MAGI1: variants seen among roughly 807,000 people sequenced by gnomAD.
MAGI1 encodes membrane associated guanylate kinase, WW and PDZ domain containing 1.
MAGI1 carries 58 observed loss-of-function variants against 139.9 expected under a neutral mutation model. The observed-to-expected ratio is 0.41, with a 90% CI of 0.34 to 0.52. The LOEUF (loss-of-function observed/expected upper bound fraction) is 0.52, where lower values mean the gene tolerates loss of function less well. MAGI1 is among the 20% of genes least tolerant of loss of function. MAGI1 has a pLI of 0.12. For synonymous variants in MAGI1, 812 were observed against 737.9 expected, an observed-to-expected ratio of 1.10 and a Z score of -1.63; for missense variants, 1,874 against 1,901.6, an observed-to-expected ratio of 0.99 and a Z score of 0.27.
chr3:65,892,227 T>G (rs1395508539), intron 1 of MAGI1, among the ~76,000 whole-genome samples: 4 of 152,100 alleles, frequency 2.6e-5, no homozygotes, highest in Non-Finnish European at 4.4e-5. Context: ...ACTGTGAAGC[T>G]ATTTTTCTTT....
intron 1 of MAGI1, among the ~76,000 whole-genome samples, chr3:65,820,754 C>T (rs978994128): frequency 6.6e-6 from 1 of 152,128 alleles, no homozygotes; most frequent in African/African-American, 2.4e-5. Flanking sequence ...TTTGAGTAGT[C>T]TGCATCATCA....
At position 65,439,982 on chromosome 3, in the gene MAGI1, G is replaced by A. The variant is rs753972519; in HGVS notation, c.1167C>T (p.Asn389=). ...DHINRKTQYE[N]PVLEAKRKKQ... The stretch of plus-strand genomic sequence containing the variant: ...TCTTCCGTTTGGCTTCTAGAACCGG[G>A]TTCTCATATTGTGTCTTCCTGTTGA... The change falls in exon 9 of 23, where the codon AAC becomes AAT. Residue 389 remains asparagine (N), a synonymous_variant. Transcript: ENST00000402939. The A allele has an allele frequency of 8.7e-6, 14 of 1,613,942 alleles. No homozygotes were observed. In the South Asian group the frequency reaches 1.5e-4, roughly 18 times the overall value.
chr3:65,383,533 G>C lies in MAGI1; in HGVS notation c.2507C>G (p.Pro836Arg). 6.2e-7 allele frequency: 1 copy of C among 1,609,712 alleles called. No individual in the cohort carries two copies. Among genetic ancestry groups the C allele is most frequent in the South Asian group, 1.1e-5 (1 of 90,970 alleles). ...AAGAGAGACAAGCAAAAGACTCACA[G>C]GTTCCCCTGGTTCATTTCCACCCAG... ...RILGGNEPGEPIYIGHIVPLG... is the reference protein window; with the variant it reads ...RILGGNEPGERIYIGHIVPLG... Residue 836 changes from proline (P) to arginine (R), a missense_variant and splice_region_variant, in exon 15 of 23, where the codon CCT becomes CGT. Coordinates refer to ENST00000402939, the MANE Select transcript of MAGI1 (RefSeq NM_001033057.2).
At position 65,429,691 on chromosome 3, in the gene MAGI1, G is replaced by A. The variant is rs1947331877; in HGVS notation, c.1996C>T (p.Gln666Ter). 1 of 1,613,704 alleles carries A rather than the reference G, an allele frequency of 6.2e-7. No homozygotes were observed. Residue 666 changes from glutamine (Q) to a stop codon, truncating the protein, a stop_gained, in exon 12 of 23, where the codon CAA (glutamine) becomes TAA (stop). Transcript: ENST00000402939. LOFTEE classifies it high-confidence loss of function. Reference protein sequence around the residue: ...TIADSPGGGGQRVKQIVDSPR... With the variant: ...TIADSPGGGG ...CTGTCAACAATCTGTTTCACTCTTTGGCCACCCCCACCAGGACTGTCTGCG... is the reference window on the plus strand; with the variant it reads ...CTGTCAACAATCTGTTTCACTCTTTAGCCACCCCCACCAGGACTGTCTGCG...
intron 1 of MAGI1, among the ~76,000 whole-genome samples, chr3:65,753,381 A>G (rs2036310104): frequency 6.6e-6 from 1 of 152,186 alleles, no homozygotes; most frequent in African/African-American, 2.4e-5. Context: ...CTTCACCAAA[A>G]ACACCTATGA....
chr3:65,819,415 T>A (rs1238940774), intron 1 of MAGI1, among the ~76,000 whole-genome samples: 1 of 152,196 alleles, frequency 6.6e-6, no homozygotes, highest in Non-Finnish European at 1.5e-5. Flanking sequence ...ACTGTACCCC[T>A]TCCCTCCACC....
chr3:65,865,351 A>C (rs2059686839), intron 1 of MAGI1, among the ~76,000 whole-genome samples: 1 of 152,204 alleles, frequency 6.6e-6, no homozygotes, highest in Admixed American at 6.5e-5. Context: ...CTGTAATCCC[A>C]GCACTTAGGG....
At chr3:65,727,778 C>A (rs2033772478) in intron 1 of MAGI1, among the ~76,000 whole-genome samples, 1 of 152,152 alleles carries the variant, frequency 6.6e-6, no homozygotes, top group South Asian at 2.1e-4. Context: ...GAGAGACAGA[C>A]AAGATGGATC....
intron 1 of MAGI1, among the ~76,000 whole-genome samples, chr3:65,644,208 T>G (rs6771308): frequency 0.064 from 9,728 of 152,108 alleles, 1,036 homozygotes; most frequent in African/African-American, 0.22. Context: ...AGTTTCAGTC[T>G]CATAACATAA....
chr3:65,718,665 T>C (rs1334452988), intron 1 of MAGI1: 2 of 152,158 alleles, frequency 1.3e-5, no homozygotes, highest in African/African-American at 2.4e-5. Context: ...GATCAAATTA[T>C]TACAGGATTC....
intron 1 of MAGI1, among the ~76,000 whole-genome samples, chr3:65,991,197 G>A (rs977739153): frequency 6.8e-6 from 1 of 147,328 alleles, no homozygotes; most frequent in Non-Finnish European, 1.5e-5. Flanking sequence ...GCTGAGGCAG[G>A]AGAATTGTTT....
intron 1 of MAGI1, among the ~76,000 whole-genome samples, chr3:65,865,342 T>C (rs773648311): frequency 2.6e-5 from 4 of 152,200 alleles, no homozygotes; most frequent in Non-Finnish European, 5.9e-5. Context: ...GGCTCACACC[T>C]GTAATCCCAG....
At chr3:65,674,133 G>C (rs576504554) in intron 1 of MAGI1, among the ~76,000 whole-genome samples, 50 of 152,322 alleles carry the variant, frequency 3.3e-4, no homozygotes, top group African/African-American at 1.1e-3. Flanking sequence ...TAGTGTTCAA[G>C]AATGCAACAG....
chr3:66,000,048 T>C (rs951792780), intron 1 of MAGI1, among the ~76,000 whole-genome samples: 2 of 145,756 alleles, frequency 1.4e-5, no homozygotes, highest in South Asian at 4.6e-4. Context: ...ACTAGGCTCA[T>C]TGCAAGCTCC....
At chr3:65,763,481 A>G in intron 1 of MAGI1, among the ~76,000 whole-genome samples, 1 of 152,190 alleles carries the variant, frequency 6.6e-6, no homozygotes, top group East Asian at 1.9e-4. Flanking sequence ...CTATCCTACA[A>G]TAACAACATT....
chr3:65,617,936 G>T (rs891825347), intron 2 of MAGI1, among the ~76,000 whole-genome samples: 2 of 152,124 alleles, frequency 1.3e-5, no homozygotes, highest in African/African-American at 4.8e-5. Context: ...GGACAGGCAG[G>T]CATGCAGCAG....
intron 12 of MAGI1, among the ~76,000 whole-genome samples, chr3:65,412,426 T>C (rs148840548): frequency 1.6e-4 from 25 of 152,350 alleles, no homozygotes; most frequent in East Asian, 5.8e-4. Context: ...TTTGTTTTCA[T>C]TGAGCCTATC....
chr3:65,601,749 G>A (rs1441610698), intron 2 of MAGI1, among the ~76,000 whole-genome samples: 2 of 151,776 alleles, frequency 1.3e-5, no homozygotes, highest in Non-Finnish European at 2.9e-5. Context: ...ACAGAAATTA[G>A]ACAGATTAGA....
intron 2 of MAGI1, among the ~76,000 whole-genome samples, chr3:65,580,859 G>T (rs1476994628): frequency 6.6e-6 from 1 of 152,026 alleles, no homozygotes; most frequent in African/African-American, 2.4e-5. Flanking sequence ...GCCTTCCCTG[G>T]TGATACCTCT....
Sources: allele counts gnomAD v4.1 joint callset (sites outside exome capture counted in the v4.1 genomes callset), GRCh38; gene constraint gnomAD v4.1.1; transcripts MANE v1.5; gene names NCBI Gene and HGNC (gene_info 2026-07-23, HGNC 2026-07-21).